The following PRKCE variants were observed in gnomAD, a reference collection of about 807,000 sequenced individuals.
PRKCE encodes protein kinase C epsilon, also known as protein kinase C epsilon type.
In PRKCE, 16 loss-of-function variants were observed where a neutral mutation model predicts 85.4. The observed-to-expected ratio is 0.19, with a 90% CI of 0.13 to 0.28. The LOEUF (loss-of-function observed/expected upper bound fraction) is 0.28. PRKCE is among the 10% of genes least tolerant of loss of function. The pLI, the probability that PRKCE is intolerant of heterozygous loss-of-function variation, is 1.00. For synonymous variants in PRKCE, 388 were observed against 371.5 expected, an observed-to-expected ratio of 1.04 and a Z score of -0.51; for missense variants, 573 against 975.2, an observed-to-expected ratio of 0.59 and a Z score of 5.49.
Position 46,004,504 on chromosome 2 carries a change from C to A in PRKCE, c.967-38C>A. ...GACATCAGAAAACTCTCAACCCTCC[C>A]TTCTGATGCCTCTGTCCCTGCTTTC... is the stretch of plus-strand genomic sequence containing the variant. On this transcript the variant is annotated intron_variant, in intron 7 of 14. Transcript: ENST00000306156. This position sits in a 1 kb window ranked among gnomAD's most constrained non-coding sequence, Gnocchi z 4.1. The A allele has an allele frequency of 6.7e-7, 1 of 1,502,492 alleles. No homozygotes were observed. Among genetic ancestry groups the A allele is most frequent in the African/African-American group, 1.4e-5 (1 of 72,866 alleles). The allele number at this position is 1,502,492 out of a possible 1,614,324, so 93.1% of individuals were successfully genotyped here.
intron 1 of PRKCE, among the ~76,000 whole-genome samples, chr2:45,658,503 G>A (rs909840130): frequency 1.3e-5 from 2 of 152,208 alleles, no homozygotes; most frequent in South Asian, 2.1e-4. Context: ...TGGATTCAGT[G>A]AGTTCTAACT....
chr2:45,820,160 T>C (rs1689406520), intron 1 of PRKCE, among the ~76,000 whole-genome samples: 1 of 152,198 alleles, frequency 6.6e-6, no homozygotes, highest in South Asian at 2.1e-4. Context: ...CATCAGCTTT[T>C]CTTGGTGTTA....
At chr2:45,733,328 C>A (rs1477325621) in intron 1 of PRKCE, among the ~76,000 whole-genome samples, 1 of 152,176 alleles carries the variant, frequency 6.6e-6, no homozygotes, top group Non-Finnish European at 1.5e-5. Flanking sequence ...TTGTTGAGTG[C>A]CTGTTGTGAG....
intron 11 of PRKCE, among the ~76,000 whole-genome samples, chr2:46,122,889 T>TG (rs1673450722): frequency 6.7e-6 from 1 of 149,316 alleles, no homozygotes; most frequent in Admixed American, 6.7e-5. Flanking sequence ...GGGTTTTTTT[T>TG]TTTTTTTTTT....
At chr2:46,116,710 A>G (rs1214926112) in intron 11 of PRKCE, among the ~76,000 whole-genome samples, 1 of 151,584 alleles carries the variant, frequency 6.6e-6, no homozygotes, top group Non-Finnish European at 1.5e-5. Context: ...TTCAGTCATC[A>G]CACATGGTGC....
chr2:45,988,608 G>A (rs545698790), intron 6 of PRKCE, among the ~76,000 whole-genome samples: 17 of 152,250 alleles, frequency 1.1e-4, no homozygotes, highest in African/African-American at 4.1e-4. Context: ...ATCCTTAACC[G>A]AGGGCAGAAA....
At position 46,004,386 on chromosome 2, in the gene PRKCE, T is replaced by A. The variant is rs4953297; in HGVS notation, c.967-156T>A. 0.27 allele frequency: 169,927 copies of A among 637,774 alleles called. 23,208 individuals carry two copies. Among genetic ancestry groups the A allele is most frequent in the South Asian group, 0.3 (16,020 of 54,086 alleles). The allele number at this position is 637,774 out of a possible 1,614,324, so 39.5% of individuals were successfully genotyped here. On this transcript the variant is annotated intron_variant, in intron 7 of 14. Coordinates refer to ENST00000306156, the MANE Select transcript of PRKCE (RefSeq NM_005400.3). The surrounding 1 kb of genome is among the most constrained non-coding windows in gnomAD (Gnocchi z 4.1). ...CAGAGGGATCGAACTTCATTTTGGC[T>A]ACTTTGGCGATGGCTGCAAGAGGAC...
chr2:45,713,144 G>A (rs1263459222), intron 1 of PRKCE, among the ~76,000 whole-genome samples: 1 of 152,048 alleles, frequency 6.6e-6, no homozygotes, highest in Non-Finnish European at 1.5e-5. Context: ...ATCTGTAGTC[G>A]CTGTCACCTC....
intron 2 of PRKCE, among the ~76,000 whole-genome samples, chr2:45,969,706 C>T (rs1701981816): frequency 6.6e-6 from 1 of 152,196 alleles, no homozygotes; most frequent in African/African-American, 2.4e-5. Flanking sequence ...CAAGTGAAAG[C>T]TTTAAAAAGT....
At chr2:45,692,724 CA>C (rs1677833235) in intron 1 of PRKCE, among the ~76,000 whole-genome samples, 1 of 151,626 alleles carries the variant, frequency 6.6e-6, no homozygotes, top group African/African-American at 2.4e-5. Flanking sequence ...CACACACACA[CA>C]CACACCCATG....
intron 2 of PRKCE, among the ~76,000 whole-genome samples, chr2:45,888,465 C>CT (rs34871432): frequency 0.16 from 12,139 of 74,876 alleles, 1,770 homozygotes; most frequent in East Asian, 0.31. Context: ...TCCCAACAGT[C>CT]TTTTTTTTTT....
chr2:46,182,620 G>T (rs1680108087), intron 14 of PRKCE, among the ~76,000 whole-genome samples: 1 of 152,174 alleles, frequency 6.6e-6, no homozygotes, highest in Non-Finnish European at 1.5e-5. Context: ...CAAGCCCAGA[G>T]AGAAGACACC....
intron 6 of PRKCE, among the ~76,000 whole-genome samples, chr2:45,985,454 C>G (rs983456426): frequency 6.6e-6 from 1 of 152,056 alleles, no homozygotes; most frequent in East Asian, 1.9e-4. Flanking sequence ...CCGTGAACTA[C>G]TAGGCAGGGA....
chr2:45,987,898 A>G (rs777059685), intron 6 of PRKCE, among the ~76,000 whole-genome samples: 1 of 152,244 alleles, frequency 6.6e-6, no homozygotes, highest in Non-Finnish European at 1.5e-5. Flanking sequence ...AGAAGAGGCC[A>G]GCATGGGCCC....
chr2:46,007,665 T>C lies in PRKCE; in HGVS notation c.1263+4T>C, dbSNP rs766979662. The C allele has an allele frequency of 6.9e-6, 11 of 1,599,368 alleles. No homozygotes were observed. The highest frequency in any genetic ancestry group is 5.0e-5 in the Admixed American group (3 of 59,990). ...GGGCAAAGGCAGCTTTGGCAAGGTCTGTGGCACACACGGGTGGAACTGCTG... is the reference window on the plus strand; with the variant it reads ...GGGCAAAGGCAGCTTTGGCAAGGTCCGTGGCACACACGGGTGGAACTGCTG... On this transcript the variant is annotated splice_donor_region_variant and intron_variant, in intron 9 of 14. Coordinates refer to ENST00000306156, the MANE Select transcript of PRKCE (RefSeq NM_005400.3).
In PRKCE at chr2:46,010,479, C is replaced by A. The variant is rs781562735; in HGVS notation, c.1399C>A (p.Pro467Thr). ...GATTTTGGCTCTGGCACGGAAACAC[C>A]CGTACCTTACCCAACTCTACTGCTG... The part of the protein sequence containing the change: ...KRILALARKH[P>T]YLTQLYCCFQ... The change falls in exon 10 of 15, where the codon CCG becomes ACG. Residue 467 changes from proline to threonine, a missense_variant. Coordinates refer to ENST00000306156, the MANE Select transcript of PRKCE (RefSeq NM_005400.3). 20 of 1,599,540 alleles carry A rather than the reference C, an allele frequency of 1.3e-5. No homozygotes were observed. Among genetic ancestry groups the A allele is most frequent in the Non-Finnish European group, 1.7e-5 (20 of 1,179,934 alleles).
chr2:45,684,949 G>A (rs1293060945), intron 1 of PRKCE, among the ~76,000 whole-genome samples: 1 of 152,224 alleles, frequency 6.6e-6, no homozygotes, highest in Non-Finnish European at 1.5e-5. Context: ...GCTAGATCCA[G>A]AGGGAGAAAC....
At chr2:45,842,872 A>G in intron 1 of PRKCE, 128 bp from the exon 2 acceptor site, 6 of 829,650 alleles carry the variant, frequency 7.2e-6, no homozygotes, top group Non-Finnish European at 1.2e-5. Flanking sequence ...CACTCAACAC[A>G]TTGTAGGTTG....
intron 3 of PRKCE, chr2:45,978,701 C>A: frequency 2.8e-5 from 10 of 356,392 alleles, no homozygotes; most frequent in Middle Eastern, 7.9e-4. Context: ...CTTTCCAGAA[C>A]ATTGCTGACC....
Sources: gnomAD v4.1 joint callset for allele counts (sites outside exome capture counted in the v4.1 genomes callset) on GRCh38, gnomAD v4.1.1 for gene constraint, Gnocchi (gnomAD v3.1) non-coding constraint, MANE v1.5 for transcripts, NCBI Gene and HGNC (gene_info 2026-07-23, HGNC 2026-07-21) for gene names.